The following SLC4A10 variants were observed in gnomAD, a reference collection of about 807,000 sequenced individuals.
SLC4A10 encodes the protein sodium-driven chloride bicarbonate exchanger.
Under a neutral mutation model 137.7 loss-of-function variants are expected in SLC4A10, and 42 were observed. The observed-to-expected ratio is 0.30, with a 90% CI of 0.24 to 0.39. The LOEUF is 0.39. SLC4A10 is among the 10% of genes least tolerant of loss of function. SLC4A10 has a pLI of 1.00. For missense variants in SLC4A10, 925 were observed against 1,355.0 expected, an observed-to-expected ratio of 0.68 and a Z score of 4.98; for synonymous variants, 474 against 464.1, an observed-to-expected ratio of 1.02 and a Z score of -0.27.
chr2:161,624,957 G>A (rs1164250603), intron 1 of SLC4A10, among the ~76,000 whole-genome samples: 1 of 151,772 alleles, frequency 6.6e-6, no homozygotes, highest in Admixed American at 6.6e-5. Context: ...AATCCCTATC[G>A]AATTTCCTCC....
chr2:161,873,739 C>T (rs2125930679), intron 7 of SLC4A10, 177 bp from the exon 8 acceptor site: 1 of 536,086 alleles, frequency 1.9e-6, no homozygotes, highest in Non-Finnish European at 3.3e-6. Flanking sequence ...AGGAAGTAGC[C>T]TGAATCAAGG....
intron 1 of SLC4A10, among the ~76,000 whole-genome samples, chr2:161,663,390 C>A (rs751132589): frequency 2.0e-5 from 3 of 152,154 alleles, no homozygotes; most frequent in Middle Eastern, 6.8e-3. Flanking sequence ...ATATTCTCTA[C>A]ACAATTATTT....
At chr2:161,958,423 T>C (rs1051401423) in intron 20 of SLC4A10, 64 bp from the exon 21 acceptor site, 90 of 1,406,634 alleles carry the variant, frequency 6.4e-5, no homozygotes, top group Middle Eastern at 2.0e-4. Flanking sequence ...TTTTCTTTGA[T>C]AAATGCAAAA....
chr2:161,902,399 T>A (rs899039569), intron 12 of SLC4A10, among the ~76,000 whole-genome samples: 1 of 152,128 alleles, frequency 6.6e-6, no homozygotes, highest in Non-Finnish European at 1.5e-5. Flanking sequence ...AATGCCTAAA[T>A]AGACTGGTAG....
chr2:161,744,178 A>C (rs1466574222), intron 1 of SLC4A10, among the ~76,000 whole-genome samples: 1 of 152,124 alleles, frequency 6.6e-6, no homozygotes, highest in Non-Finnish European at 1.5e-5. Context: ...GAACAACAGC[A>C]GTCAAAGTGG....
At position 161,804,578 on chromosome 2, in the gene SLC4A10, G is replaced by A. The variant is rs2055716649; in HGVS notation, c.260G>A (p.Arg87Lys). The stretch of plus-strand genomic sequence containing the variant: ...AGAGATTCAGGATTAGAGGATGGAA[G>A]GGAGTCACCTTCTTTTGGTAAGAAT... The part of the protein sequence containing the change: ...RERDSGLEDG[R>K]ESPSFDTPSQ... The change falls in exon 3 of 27, where the codon AGG becomes AAG. Residue 87 changes from arginine to lysine, a missense_variant. Physicochemically the swap from Arg to Lys is conservative, Grantham distance 26 (BLOSUM62 2). Coordinates refer to ENST00000446997, the MANE Select transcript of SLC4A10 (RefSeq NM_001178015.2). 1.2e-6 allele frequency: 2 copies of A among 1,610,574 alleles called. No homozygotes were observed. Among genetic ancestry groups the A allele is most frequent in the Admixed American group, 1.7e-5 (1 of 59,498 alleles).
At chr2:161,639,058 CA>C (rs2034898985) in intron 1 of SLC4A10, among the ~76,000 whole-genome samples, 1 of 151,966 alleles carries the variant, frequency 6.6e-6, no homozygotes, top group South Asian at 2.1e-4. Flanking sequence ...TAGAAACATA[CA>C]ACCTGCCAAG....
At chr2:161,698,179 G>T (rs2042743501) in intron 1 of SLC4A10, among the ~76,000 whole-genome samples, 1 of 152,212 alleles carries the variant, frequency 6.6e-6, no homozygotes, top group Non-Finnish European at 1.5e-5. Context: ...CTTTGCTGAA[G>T]TTGCTTCCCA....
intron 1 of SLC4A10, among the ~76,000 whole-genome samples, chr2:161,694,157 AC>A (rs1256593227): frequency 6.6e-6 from 1 of 152,034 alleles, no homozygotes; most frequent in Non-Finnish European, 1.5e-5. Context: ...ATTATTTATG[AC>A]CTGATATCAT....
chr2:161,719,411 A>G (rs1232443588), intron 1 of SLC4A10, among the ~76,000 whole-genome samples: 2 of 152,206 alleles, frequency 1.3e-5, no homozygotes, highest in African/African-American at 4.8e-5. Context: ...TCCTTTGGGT[A>G]TACTCAGTAA....
intron 1 of SLC4A10, among the ~76,000 whole-genome samples, chr2:161,754,964 C>T (rs988505765): frequency 6.6e-6 from 1 of 152,130 alleles, no homozygotes; most frequent in Admixed American, 6.6e-5. Context: ...TGGCACTTAT[C>T]AGATGCAGGT....
At chr2:161,952,249 C>A (rs1694933830) in intron 19 of SLC4A10, among the ~76,000 whole-genome samples, 1 of 151,540 alleles carries the variant, frequency 6.6e-6, no homozygotes, top group South Asian at 2.1e-4. Flanking sequence ...CCTTCCTGGC[C>A]ATTCTGAATC....
At chr2:161,708,884 C>G in intron 1 of SLC4A10, 1 of 1,476,106 alleles carries the variant, frequency 6.8e-7, no homozygotes, top group Non-Finnish European at 9.0e-7. Flanking sequence ...CTTGCTTTTT[C>G]TAGTTCTTAC....
chr2:161,751,576 G>T (rs1322879389), intron 1 of SLC4A10, among the ~76,000 whole-genome samples: 3 of 151,556 alleles, frequency 2.0e-5, no homozygotes, highest in Non-Finnish European at 1.5e-5. Flanking sequence ...TTCTCAGAGG[G>T]AATTGATCAT....
intron 15 of SLC4A10, among the ~76,000 whole-genome samples, chr2:161,923,421 C>T (rs778189387): frequency 6.6e-6 from 1 of 152,008 alleles, no homozygotes; most frequent in Non-Finnish European, 1.5e-5. Context: ...TAATAAATAA[C>T]CAAAATGAGA....
At chr2:161,941,624 G>A (rs1692709024) in intron 15 of SLC4A10, among the ~76,000 whole-genome samples, 1 of 152,202 alleles carries the variant, frequency 6.6e-6, no homozygotes, top group African/African-American at 2.4e-5. Flanking sequence ...TCCATGTTCA[G>A]TGTTCTCTTA....
At chr2:161,938,242 G>A (rs938825856) in intron 15 of SLC4A10, among the ~76,000 whole-genome samples, 4 of 152,124 alleles carry the variant, frequency 2.6e-5, no homozygotes, top group African/African-American at 9.7e-5. Context: ...TTGCACTCCA[G>A]TCTGGGGGAC....
intron 1 of SLC4A10, among the ~76,000 whole-genome samples, chr2:161,637,028 A>T (rs1605868): frequency 0.9 from 133,748 of 147,892 alleles, 60,606 homozygotes; most frequent in East Asian, 1. Context: ...TACATTTTTT[A>T]AAAATTATTT....
chr2:161,843,907 A>G (rs1369135633), intron 4 of SLC4A10, among the ~76,000 whole-genome samples: 2 of 152,172 alleles, frequency 1.3e-5, no homozygotes, highest in Non-Finnish European at 2.9e-5. Flanking sequence ...GCAAAGTTTT[A>G]GGTTTTGAAG....
Sources: gnomAD v4.1 joint callset for allele counts (sites outside exome capture counted in the v4.1 genomes callset) on GRCh38, gnomAD v4.1.1 for gene constraint, MANE v1.5 for transcripts, NCBI Gene and HGNC (gene_info 2026-07-23, HGNC 2026-07-21) for gene names.